Variants in TMEM132C observed in about 807,000 individuals in gnomAD.
TMEM132C encodes the protein protein phosphatase 1, regulatory subunit 152.
Under a neutral mutation model 61.4 loss-of-function variants are expected in TMEM132C, and 29 were observed. That is an observed-to-expected ratio of 0.47 (90% confidence interval 0.35 to 0.64). The LOEUF is 0.64. Among genes scored for constraint, TMEM132C ranks in the 30% least tolerant of loss-of-function variants. TMEM132C has a pLI of 0.00. For missense variants in TMEM132C, 1,408 were observed against 1,476.9 expected, an observed-to-expected ratio of 0.95 and a Z score of 0.76; for synonymous variants, 656 against 633.1, an observed-to-expected ratio of 1.04 and a Z score of -0.54.
chr12:128,477,509 A>T (rs1871188628), intron 2 of TMEM132C, among the ~76,000 whole-genome samples: 1 of 152,200 alleles, frequency 6.6e-6, no homozygotes, highest in Non-Finnish European at 1.5e-5. Flanking sequence ...TCAGAATGGG[A>T]TAAAGAACTG....
At position 128,323,691 on chromosome 12, in the gene TMEM132C, TG is replaced by T. The variant is rs541298537; in HGVS notation, c.85+56206del. On this transcript the variant is annotated intron_variant, in intron 1 of 8. Transcript: ENST00000435159. ...AGAGTGTGGATCAGGAACCAGCGGG[TG>T]GCCAATGGCAGTGGAGAAAATGTAA... Among the ~76,000 whole-genome samples the T allele has an allele frequency of 3.9e-5, 6 of 152,182 alleles. No individual in the cohort carries two copies. In the South Asian group the frequency reaches 1.2e-3, roughly 32 times the overall value.
intron 3 of TMEM132C, among the ~76,000 whole-genome samples, chr12:128,614,235 CT>C (rs1876726531): frequency 6.6e-6 from 1 of 152,340 alleles, no homozygotes; most frequent in South Asian, 2.1e-4. Flanking sequence ...CAAAAGTTTT[CT>C]GTAAGGATTT....
chr12:128,612,741 C>T (rs113301944), intron 3 of TMEM132C, among the ~76,000 whole-genome samples: 2,352 of 152,302 alleles, frequency 0.015, 70 homozygotes, highest in African/African-American at 0.054. Context: ...TACAACAAAA[C>T]GCTTTCGGGA....
At chr12:128,463,887 A>C (rs926644434) in intron 2 of TMEM132C, among the ~76,000 whole-genome samples, 7 of 152,194 alleles carry the variant, frequency 4.6e-5, no homozygotes, top group African/African-American at 1.7e-4. Flanking sequence ...GGCCATGTGC[A>C]GGAGACCAAG....
chr12:128,622,384 T>A lies in TMEM132C; in HGVS notation c.1305+6049T>A, dbSNP rs1449611786. On this transcript the variant is annotated intron_variant, in intron 4 of 8. Coordinates refer to ENST00000435159, the MANE Select transcript of TMEM132C (RefSeq NM_001136103.3). The stretch of plus-strand genomic sequence containing the variant: ...AAATATATATATATATATATATATA[T>A]ATATATATATATATATAACCAGGAA... 1.7e-3 allele frequency among the ~76,000 whole-genome samples: 180 copies of A among 107,664 alleles called. 2 individuals are homozygous for A. Among genetic ancestry groups the A allele is most frequent in the East Asian group, 2.2e-3 (8 of 3,610 alleles). 70.6% of individuals were successfully genotyped at this position (107,664 alleles called of 152,430 possible).
At chr12:128,576,804 G>A (rs1438198887) in intron 3 of TMEM132C, among the ~76,000 whole-genome samples, 1 of 152,204 alleles carries the variant, frequency 6.6e-6, no homozygotes. Context: ...TGTTGTTGAC[G>A]ATGATGATGA....
At position 128,705,082 on chromosome 12, in the gene TMEM132C, C is replaced by T; in HGVS notation, c.2122-8C>T. 1 of 1,515,678 alleles carries T rather than the reference C, an allele frequency of 6.6e-7. No homozygotes were observed. The highest frequency in any genetic ancestry group is 8.9e-7 in the Non-Finnish European group (1 of 1,123,434). The allele number at this position is 1,515,678 out of a possible 1,614,324, so 93.9% of individuals were successfully genotyped here. ...CAGGTGGTCTTCTAACTGCCTGTGT[C>T]CCTGCAGGAGGCTGTATTCAGCACG... On this transcript the variant is annotated splice_polypyrimidine_tract_variant and splice_region_variant and intron_variant, in intron 8 of 8. Coordinates refer to ENST00000435159, the MANE Select transcript of TMEM132C (RefSeq NM_001136103.3).
At chr12:128,478,834 C>T (rs1272374602) in intron 2 of TMEM132C, among the ~76,000 whole-genome samples, 1 of 152,214 alleles carries the variant, frequency 6.6e-6, no homozygotes, top group African/African-American at 2.4e-5. Context: ...GATCTCACGA[C>T]AGCGCCTGCC....
At chr12:128,283,729 G>A (rs753585862) in intron 1 of TMEM132C, among the ~76,000 whole-genome samples, 3 of 152,096 alleles carry the variant, frequency 2.0e-5, no homozygotes, top group African/African-American at 4.8e-5. Flanking sequence ...AGTCATTCTA[G>A]GTTTCTTCCT....
chr12:128,332,477 G>T (rs1872689124), intron 1 of TMEM132C, among the ~76,000 whole-genome samples: 1 of 152,166 alleles, frequency 6.6e-6, no homozygotes, highest in Non-Finnish European at 1.5e-5. Flanking sequence ...TCTCTGCTGT[G>T]AGCCACAGTG....
At chr12:128,290,549 C>T (rs1871215653) in intron 1 of TMEM132C, among the ~76,000 whole-genome samples, 1 of 152,102 alleles carries the variant, frequency 6.6e-6, no homozygotes, top group African/African-American at 2.4e-5. Context: ...AGATGTGTGA[C>T]GCACTGTTCC....
At chr12:128,578,610 A>G (rs1253728828) in intron 3 of TMEM132C, among the ~76,000 whole-genome samples, 1 of 151,730 alleles carries the variant, frequency 6.6e-6, no homozygotes, top group Non-Finnish European at 1.5e-5. Flanking sequence ...TGTTGTTGTT[A>G]TTGTTGAGAC....
chr12:128,543,809 A>G (rs77116255), intron 2 of TMEM132C, 148 bp from the exon 3 acceptor site: 74,738 of 1,052,668 alleles, frequency 0.071, 3,050 homozygotes, highest in African/African-American at 0.11. Context: ...TGGCATCACC[A>G]CCACTGGGCA....
At chr12:128,384,310 C>T (rs1026004845) in intron 1 of TMEM132C, among the ~76,000 whole-genome samples, 9 of 152,124 alleles carry the variant, frequency 5.9e-5, no homozygotes, top group Non-Finnish European at 7.4e-5. Flanking sequence ...CAGAAGAAAC[C>T]GTGGGTTGTA....
At chr12:128,390,631 C>G (rs1874737202) in intron 1 of TMEM132C, among the ~76,000 whole-genome samples, 1 of 152,172 alleles carries the variant, frequency 6.6e-6, no homozygotes, top group African/African-American at 2.4e-5. Flanking sequence ...TGCACAAGCT[C>G]CACGGATTAG....
At chr12:128,497,563 T>G (rs1872010684) in intron 2 of TMEM132C, among the ~76,000 whole-genome samples, 1 of 152,180 alleles carries the variant, frequency 6.6e-6, no homozygotes, top group African/African-American at 2.4e-5. Flanking sequence ...GCTGCTGCCT[T>G]GCAGTTAGAT....
intron 2 of TMEM132C, among the ~76,000 whole-genome samples, chr12:128,491,869 A>G (rs555404766): frequency 9.6e-5 from 14 of 145,824 alleles, no homozygotes; most frequent in African/African-American, 3.6e-4. Context: ...TTTTTTTTAT[A>G]CTTTAAGTTT....
At chr12:128,527,709 G>GTGTC (rs549947042) in intron 2 of TMEM132C, among the ~76,000 whole-genome samples, 261 of 149,334 alleles carry the variant, frequency 1.7e-3, no homozygotes, top group African/African-American at 6.2e-3. Context: ...GTGCATGTAT[G>GTGTC]TGTGTGTGTG....
intron 5 of TMEM132C, among the ~76,000 whole-genome samples, chr12:128,686,071 G>GTGTGTGCATGCGTGT: frequency 1.4e-5 from 2 of 147,370 alleles, no homozygotes; most frequent in South Asian, 2.1e-4. Context: ...GTGTGCATGC[G>GTGTGTGCATGCGTGT]TGTGTGCGCA....
Sources: gnomAD v4.1 joint callset for allele counts (sites outside exome capture counted in the v4.1 genomes callset) on GRCh38, gnomAD v4.1.1 for gene constraint, MANE v1.5 for transcripts, NCBI Gene and HGNC (gene_info 2026-07-23, HGNC 2026-07-21) for gene names.